DLC1: variants seen among roughly 807,000 people sequenced by gnomAD.
DLC1 encodes the protein rho GTPase-activating protein 7.
DLC1 carries 54 observed loss-of-function variants against 140.3 expected under a neutral mutation model. That is an observed-to-expected ratio of 0.38 (90% CI 0.31 to 0.48). The LOEUF (loss-of-function observed/expected upper bound fraction) is 0.48, where lower values mean the gene tolerates loss of function less well. Ranked by LOEUF, DLC1 falls within the 20% of genes least tolerant of loss-of-function variation. The pLI is 0.96. For synonymous variants in DLC1, 986 were observed against 728.1 expected, an observed-to-expected ratio of 1.35 and a Z score of -5.70; for missense variants, 2,536 against 1,907.0, an observed-to-expected ratio of 1.33 and a Z score of -6.14.
chr8:13,172,634 C>G (rs1289649672), intron 5 of DLC1, among the ~76,000 whole-genome samples: 2 of 152,202 alleles, frequency 1.3e-5, no homozygotes, highest in African/African-American at 4.8e-5. Flanking sequence ...GGGATTTGAA[C>G]TTGCCAGATT....
chr8:13,499,183 T>C lies in DLC1; in HGVS notation c.889A>G (p.Ser297Gly), dbSNP rs1469572677. The C allele has an allele frequency of 4.3e-6, 7 of 1,614,190 alleles. No individual in the cohort carries two copies. Among genetic ancestry groups the C allele is most frequent in the Non-Finnish European group, 5.9e-6 (7 of 1,180,020 alleles). The change falls in exon 2 of 18, where the codon AGT becomes GGT. Residue 297 changes from serine (S) to glycine (G), a missense_variant. Physicochemically the swap from Ser to Gly is moderately conservative, Grantham distance 56. Coordinates refer to ENST00000276297, the MANE Select transcript of DLC1 (RefSeq NM_182643.3). ...TTGTTTTGATGTTGTGAAAAACCAC[T>C]CTTCTCCAGGCCATTTTCAGCTGAC... ...GMSAENGLEK[S>G]GFSQHQNKSP...
intron 5 of DLC1, among the ~76,000 whole-genome samples, chr8:13,205,925 T>G (rs1827640400): frequency 1.3e-5 from 2 of 152,142 alleles, no homozygotes; most frequent in South Asian, 4.1e-4. Flanking sequence ...CTAATCAGAT[T>G]TGACAAAATT....
Position 13,401,590 on chromosome 8 carries a change from C to T in DLC1, c.1053G>A (p.Arg351=), listed in dbSNP as rs181293901. The T allele has an allele frequency of 8.1e-6, 13 of 1,613,754 alleles. No individual in the cohort carries two copies. The highest frequency in any genetic ancestry group is 1.7e-4 in the Middle Eastern group (1 of 5,842). The change falls in exon 3 of 18, where the codon CGG becomes CGA. Residue 351 remains arginine, a synonymous_variant. Coordinates refer to ENST00000276297, the MANE Select transcript of DLC1 (RefSeq NM_182643.3). ...TAATCAGCAGCACCATGGAGTCCAG[C>T]CGCGCCCTATCTCGATCTTCTCTTA... ...KEIREDRDRA[R]LDSMVLLIMK...
At chr8:13,579,346 TATATATATATA>T (rs1804974291) in intron 1 of DLC1, among the ~76,000 whole-genome samples, 1 of 52,234 alleles carries the variant, frequency 1.9e-5, no homozygotes, top group African/African-American at 1.1e-4. Context: ...TATATATATA[TATATATATATA>T]TATATTTTTA....
chr8:13,237,240 TACACAC>T (rs201246253), intron 5 of DLC1, among the ~76,000 whole-genome samples: 4 of 131,042 alleles, frequency 3.1e-5, no homozygotes, highest in East Asian at 2.1e-4. Flanking sequence ...TATATATATA[TACACAC>T]ACACACACAT....
chr8:13,258,683 C>T (rs950231277), intron 5 of DLC1, among the ~76,000 whole-genome samples: 1 of 152,180 alleles, frequency 6.6e-6, no homozygotes, highest in African/African-American at 2.4e-5. Flanking sequence ...TATCAATGGC[C>T]TATGTAGCCT....
chr8:13,194,527 T>C (rs1399482951), intron 5 of DLC1, among the ~76,000 whole-genome samples: 1 of 152,208 alleles, frequency 6.6e-6, no homozygotes, highest in East Asian at 1.9e-4. Flanking sequence ...CAAAAATGTT[T>C]GCAAATGCTG....
chr8:13,210,172 T>A (rs1381145685), intron 5 of DLC1, among the ~76,000 whole-genome samples: 3 of 152,226 alleles, frequency 2.0e-5, no homozygotes, highest in Non-Finnish European at 4.4e-5. Context: ...AATACTGATT[T>A]CTTGCTTTTA....
At chr8:13,332,566 G>A (rs1833639751) in intron 4 of DLC1, among the ~76,000 whole-genome samples, 1 of 151,762 alleles carries the variant, frequency 6.6e-6, no homozygotes, top group Admixed American at 6.6e-5. Flanking sequence ...GAGTAGTTGG[G>A]ATTACAGATG....
At chr8:13,099,323 C>G (rs775024649) in intron 9 of DLC1, 24 bp downstream of exon 9, 1 of 1,599,664 alleles carries the variant, frequency 6.3e-7, no homozygotes, top group Non-Finnish European at 8.5e-7. Flanking sequence ...GCCCCACACC[C>G]GGAGGCAGGA....
At chr8:13,500,935 T>C (rs1334885467) in intron 1 of DLC1, among the ~76,000 whole-genome samples, 1 of 152,192 alleles carries the variant, frequency 6.6e-6, no homozygotes, top group Non-Finnish European at 1.5e-5. Flanking sequence ...AAGTTATACA[T>C]GTAGCAAGTG....
At chr8:13,140,910 C>G (rs77648539) in intron 5 of DLC1, among the ~76,000 whole-genome samples, 7 of 152,040 alleles carry the variant, frequency 4.6e-5, no homozygotes, top group Non-Finnish European at 7.4e-5. Flanking sequence ...TTATTTTTCT[C>G]TCTCCCCTAG....
intron 1 of DLC1, among the ~76,000 whole-genome samples, chr8:13,603,066 G>A (rs1481051310): frequency 1.3e-5 from 2 of 151,598 alleles, no homozygotes; most frequent in Non-Finnish European, 3.0e-5. Flanking sequence ...AAATAATCAA[G>A]GTATAAATAA....
At chr8:13,392,922 T>G (rs1195067858) in intron 4 of DLC1, among the ~76,000 whole-genome samples, 1 of 152,210 alleles carries the variant, frequency 6.6e-6, no homozygotes, top group African/African-American at 2.4e-5. Flanking sequence ...CACTGATCAT[T>G]TCACTAAGCA....
chr8:13,381,765 C>T (rs574791449), intron 4 of DLC1, among the ~76,000 whole-genome samples: 3 of 152,234 alleles, frequency 2.0e-5, no homozygotes, highest in South Asian at 2.1e-4. Flanking sequence ...TCAATACCTG[C>T]AAACCATGGG....
At chr8:13,090,492 G>C (rs1200901046) in intron 14 of DLC1, 22 bp from the exon 15 acceptor site, 3 of 1,611,920 alleles carry the variant, frequency 1.9e-6, no homozygotes, top group East Asian at 2.2e-5. Context: ...ATGACAGACA[G>C]AAAGGAGGTG....
intron 4 of DLC1, among the ~76,000 whole-genome samples, chr8:13,347,793 A>C (rs2117015074): frequency 6.6e-6 from 1 of 152,256 alleles, no homozygotes; most frequent in African/African-American, 2.4e-5. Flanking sequence ...AAGAATACAG[A>C]GTAGAGGCCC....
At chr8:13,569,439 A>T (rs545575976) in intron 1 of DLC1, among the ~76,000 whole-genome samples, 6 of 152,280 alleles carry the variant, frequency 3.9e-5, no homozygotes, top group African/African-American at 1.4e-4. Context: ...TACCATTTTC[A>T]TAATAACCTT....
chr8:13,544,161 TC>T (rs1803576886), intron 1 of DLC1, among the ~76,000 whole-genome samples: 1 of 150,942 alleles, frequency 6.6e-6, no homozygotes. Flanking sequence ...TTTCTCTCTC[TC>T]TCCTCTCTTT....
Sources: allele counts gnomAD v4.1 joint callset (sites outside exome capture counted in the v4.1 genomes callset), GRCh38; gene constraint gnomAD v4.1.1; transcripts MANE v1.5; gene names NCBI Gene and HGNC (gene_info 2026-07-23, HGNC 2026-07-21).